The following JMJD1C variants were observed in gnomAD, a reference collection of about 807,000 sequenced individuals.
The protein encoded by JMJD1C is jumonji domain containing 1C.
Under a neutral mutation model 245.3 loss-of-function variants are expected in JMJD1C, and 31 were observed. That is an observed-to-expected ratio of 0.13 (90% CI 0.09 to 0.17). JMJD1C has a LOEUF of 0.17. Among genes scored for constraint, JMJD1C ranks in the 10% least tolerant of loss-of-function variants. JMJD1C has a pLI of 1.00. For synonymous variants in JMJD1C, 1,057 were observed against 1,017.4 expected, an observed-to-expected ratio of 1.04 and a Z score of -0.74; for missense variants, 2,691 against 3,000.2, an observed-to-expected ratio of 0.90 and a Z score of 2.41.
At position 63,191,115 on chromosome 10, in the gene JMJD1C, T is replaced by G. The variant is rs539119315; in HGVS notation, c.6077-7A>C. 2 of 1,598,574 alleles carry G rather than the reference T, an allele frequency of 1.3e-6. No homozygotes were observed. Among genetic ancestry groups the G allele is most frequent in the East Asian group, 4.5e-5 (2 of 44,824 alleles). ...AGGGTAAGTTCTTTGTTTTCTGAAA[T>G]AGAAAATTTCACAGATTTTGTTTTG... On this transcript the variant is annotated splice_region_variant and splice_polypyrimidine_tract_variant and intron_variant, in intron 16 of 25. Transcript: ENST00000399262.
intron 3 of JMJD1C, among the ~76,000 whole-genome samples, chr10:63,239,881 T>C (rs2133486147): frequency 6.6e-6 from 1 of 152,340 alleles, no homozygotes; most frequent in South Asian, 2.1e-4. Flanking sequence ...GCAGAAGACA[T>C]GGGTTTCACC....
In JMJD1C at chr10:63,215,084, T is replaced by C; in HGVS notation, c.1083A>G (p.Lys361=). 1.3e-6 allele frequency: 2 copies of C among 1,595,818 alleles called. No homozygotes were observed. The highest frequency in any genetic ancestry group is 1.7e-6 in the Non-Finnish European group (2 of 1,175,248). ...KRRKPEEDEK[K]LNMKRLRTDN... is the part of the protein sequence containing the mutation. ...CAGTTCGAAGTCTTTTCATATTTAGTTTCTTTTCATCCTCCTCAGGTTTCC... is the reference window on the plus strand; with the variant it reads ...CAGTTCGAAGTCTTTTCATATTTAGCTTCTTTTCATCCTCCTCAGGTTTCC... Residue 361 remains lysine, a synonymous_variant, in exon 8 of 26, where the codon AAA becomes AAG. Coordinates refer to ENST00000399262, the MANE Select transcript of JMJD1C (RefSeq NM_032776.3).
chr10:63,315,294 G>A (rs547844178), intron 2 of JMJD1C, among the ~76,000 whole-genome samples: 8 of 152,080 alleles, frequency 5.3e-5, no homozygotes, highest in Non-Finnish European at 1.0e-4. Flanking sequence ...GCAGTCCCTA[G>A]TGTGTACTGC....
At chr10:63,232,506 G>C (rs970932841) in intron 3 of JMJD1C, among the ~76,000 whole-genome samples, 2 of 152,074 alleles carry the variant, frequency 1.3e-5, no homozygotes, top group African/African-American at 4.8e-5. Context: ...CTTGATCCAA[G>C]AATATTAACT....
At chr10:63,371,590 A>G (rs1371402628) in intron 2 of JMJD1C, among the ~76,000 whole-genome samples, 1 of 152,154 alleles carries the variant, frequency 6.6e-6, no homozygotes, top group African/African-American at 2.4e-5. Context: ...GCTAAACTGA[A>G]TACACTTTTT....
intron 1 of JMJD1C, among the ~76,000 whole-genome samples, chr10:63,449,482 A>C (rs1564931522): frequency 2.6e-5 from 4 of 152,152 alleles, no homozygotes; most frequent in Non-Finnish European, 2.9e-5. Flanking sequence ...GAATGAAAAA[A>C]GCTACCAAGC....
At chr10:63,391,768 AT>A (rs1352148897) in intron 1 of JMJD1C, among the ~76,000 whole-genome samples, 4 of 152,150 alleles carry the variant, frequency 2.6e-5, no homozygotes, top group African/African-American at 9.7e-5. Flanking sequence ...TACCAACATC[AT>A]TTTTCACAGA....
At chr10:63,217,119 T>C (rs1237780249) in intron 5 of JMJD1C, 88 bp downstream of exon 5, 8 of 1,179,096 alleles carry the variant, frequency 6.8e-6, no homozygotes, top group Non-Finnish European at 7.2e-6. Context: ...ATAAAAATTA[T>C]TTAGTATCAA....
intron 18 of JMJD1C, among the ~76,000 whole-genome samples, chr10:63,187,444 T>C (rs1243150928): frequency 1.3e-5 from 2 of 152,210 alleles, no homozygotes; most frequent in African/African-American, 4.8e-5. Context: ...CATGATCTTT[T>C]TACTTTTTTT....
chr10:63,339,332 A>G (rs1943159457), intron 2 of JMJD1C, among the ~76,000 whole-genome samples: 1 of 152,246 alleles, frequency 6.6e-6, no homozygotes, highest in African/African-American at 2.4e-5. Context: ...TAAGATCAAG[A>G]AAAGTGAGGG....
chr10:63,472,716 A>G (rs1444817565), intron 1 of JMJD1C, among the ~76,000 whole-genome samples: 1 of 152,202 alleles, frequency 6.6e-6, no homozygotes, highest in African/African-American at 2.4e-5. Context: ...GCCTTAAGGC[A>G]TGCTTTAAAA....
At chr10:63,305,093 G>A (rs1047686341) in intron 2 of JMJD1C, among the ~76,000 whole-genome samples, 1 of 151,996 alleles carries the variant, frequency 6.6e-6, no homozygotes, top group Admixed American at 6.5e-5. Context: ...GAGTGGCTGG[G>A]CATGGTGGCT....
intron 2 of JMJD1C, among the ~76,000 whole-genome samples, chr10:63,351,080 C>CTT (rs998025835): frequency 9.1e-4 from 119 of 131,090 alleles, no homozygotes; most frequent in African/African-American, 3.0e-3. Context: ...AGAAATTTTT[C>CTT]TTTTTTTTTT....
At chr10:63,182,674 T>C (rs764248940) in intron 22 of JMJD1C, among the ~76,000 whole-genome samples, 31 of 152,156 alleles carry the variant, frequency 2.0e-4, no homozygotes, top group Non-Finnish European at 3.7e-4. Context: ...ACTGACACCA[T>C]GGTTTCAGAA....
intron 2 of JMJD1C, among the ~76,000 whole-genome samples, chr10:63,317,080 G>A (rs964641642): frequency 1.3e-5 from 2 of 151,926 alleles, no homozygotes; most frequent in African/African-American, 4.8e-5. Flanking sequence ...GGCTGGTTTT[G>A]AATTCCTGAC....
chr10:63,333,553 A>C (rs1210168955), intron 2 of JMJD1C, among the ~76,000 whole-genome samples: 1 of 152,154 alleles, frequency 6.6e-6, no homozygotes, highest in Non-Finnish European at 1.5e-5. Flanking sequence ...AAAAAGAGAG[A>C]GAAAGAAAGG....
chr10:63,241,285 T>G (rs1217040455), intron 3 of JMJD1C, among the ~76,000 whole-genome samples: 1 of 152,168 alleles, frequency 6.6e-6, no homozygotes, highest in African/African-American at 2.4e-5. Flanking sequence ...TTTTCACCCT[T>G]GTGAAGTCAA....
intron 2 of JMJD1C, among the ~76,000 whole-genome samples, chr10:63,317,599 G>T (rs1940252625): frequency 6.6e-6 from 1 of 152,052 alleles, no homozygotes; most frequent in South Asian, 2.1e-4. Flanking sequence ...GACTCTGCAT[G>T]TTTATAATGT....
intron 1 of JMJD1C, among the ~76,000 whole-genome samples, chr10:63,512,666 T>G (rs1954905746): frequency 6.6e-6 from 1 of 152,224 alleles, no homozygotes; most frequent in South Asian, 2.1e-4. Context: ...TGTGGCTAAG[T>G]GTAGATTTTT....
Sources: allele counts gnomAD v4.1 joint callset (sites outside exome capture counted in the v4.1 genomes callset), GRCh38; gene constraint gnomAD v4.1.1; transcripts MANE v1.5; gene names NCBI Gene and HGNC (gene_info 2026-07-23, HGNC 2026-07-21).